The following LRRC37A2 variants were observed in gnomAD, a reference collection of about 807,000 sequenced individuals.
The protein encoded by LRRC37A2 is leucine rich repeat containing 37 member A2.
A neutral mutation model predicts 68.8 loss-of-function variants in LRRC37A2; 9 were observed. The ratio of observed to expected loss-of-function variants is 0.13; its 90% CI spans 0.08 to 0.23. The LOEUF (loss-of-function observed/expected upper bound fraction) is 0.23. LRRC37A2 is among the 10% of genes least tolerant of loss of function. LRRC37A2 has a pLI of 1.00. For synonymous variants in LRRC37A2, 63 were observed against 367.6 expected (o/e 0.17, Z 9.48); for missense variants, 168 against 950.4 (o/e 0.18, Z 10.82).
chr17:46,758,478 G>T, the LRRC37A2 span, among the ~76,000 whole-genome samples: 1 of 152,224 alleles, frequency 6.6e-6, no homozygotes, highest in Non-Finnish European at 1.5e-5. Context: ...GCTCCAGCTA[G>T]CTGCTGCCTT....
the LRRC37A2 span, chr17:46,833,478 G>A: frequency 1.4e-5 from 7 of 483,106 alleles, no homozygotes; most frequent in South Asian, 6.0e-5. Context: ...AACCCACCCC[G>A]ACTCCCCATC....
At chr17:46,759,005 C>T in the LRRC37A2 span, among the ~76,000 whole-genome samples, 117 of 152,184 alleles carry the variant, frequency 7.7e-4, no homozygotes, top group East Asian at 1.9e-4. Context: ...AGGAGTTCGA[C>T]GCCAGCCTGA....
the LRRC37A2 span, among the ~76,000 whole-genome samples, chr17:46,841,392 T>A: frequency 6.6e-6 from 1 of 152,114 alleles, no homozygotes. Context: ...AGAAGGAAAG[T>A]CATGCATCGA....
chr17:46,722,377 G>T, the LRRC37A2 span, among the ~76,000 whole-genome samples: 5 of 152,216 alleles, frequency 3.3e-5, no homozygotes, highest in Non-Finnish European at 5.9e-5. Context: ...GACCTGCTGT[G>T]TGCTATAACT....
the LRRC37A2 span, among the ~76,000 whole-genome samples, chr17:46,501,205 A>G: frequency 1.1e-4 from 17 of 151,134 alleles, no homozygotes; most frequent in Non-Finnish European, 2.1e-4. Flanking sequence ...TTTGAGACGG[A>G]GTCTCTGTTG....
At chr17:46,943,577 C>T in the LRRC37A2 span, among the ~76,000 whole-genome samples, 2 of 152,240 alleles carry the variant, frequency 1.3e-5, no homozygotes, top group African/African-American at 2.4e-5. Flanking sequence ...GGGAGTTGCT[C>T]CTCACCGCAG....
the LRRC37A2 span, among the ~76,000 whole-genome samples, chr17:46,837,261 A>G: frequency 7.2e-5 from 11 of 152,226 alleles, no homozygotes; most frequent in African/African-American, 2.2e-4. Context: ...AGTATTTCAC[A>G]TGATATTTGT....
chr17:46,981,160 C>A, the LRRC37A2 span, among the ~76,000 whole-genome samples: 3 of 152,150 alleles, frequency 2.0e-5, no homozygotes, highest in South Asian at 6.2e-4. Flanking sequence ...AAGTGGGAGA[C>A]AAGGGGATGG....
At chr17:46,876,989 T>G in the LRRC37A2 span, 2 of 1,274,778 alleles carry the variant, frequency 1.6e-6, no homozygotes, top group Non-Finnish European at 2.0e-6. Context: ...GAGAAAGACA[T>G]GGAGGGAAAT....
chr17:46,883,470 A>T, the LRRC37A2 span, among the ~76,000 whole-genome samples: 4 of 151,688 alleles, frequency 2.6e-5, no homozygotes, highest in Non-Finnish European at 5.9e-5. Context: ...TTTTTAGTAG[A>T]GACGGGGTTT....
chr17:46,908,190 C>T, the LRRC37A2 span, among the ~76,000 whole-genome samples: 1 of 151,000 alleles, frequency 6.6e-6, no homozygotes, highest in Admixed American at 6.6e-5. Flanking sequence ...TCCTCCCCCA[C>T]CGCCCCCCTC....
chr17:46,923,192 C>G, the LRRC37A2 span: 4 of 1,545,094 alleles, frequency 2.6e-6, no homozygotes, highest in Non-Finnish European at 3.5e-6. Flanking sequence ...GGGCCGGCGA[C>G]ATGGATCCCC....
At chr17:46,979,962 A>G in the LRRC37A2 span, among the ~76,000 whole-genome samples, 3 of 152,102 alleles carry the variant, frequency 2.0e-5, no homozygotes, top group African/African-American at 7.2e-5. Flanking sequence ...TAGATAACAG[A>G]TATGGGGATG....
the LRRC37A2 span, chr17:46,978,393 C>CA: frequency 1.6e-3 from 702 of 436,290 alleles, no homozygotes; most frequent in East Asian, 2.2e-3. Context: ...AACAAACAAA[C>CA]AAAAAAAACT....
At chr17:47,015,809 A>C in the LRRC37A2 span, among the ~76,000 whole-genome samples, 1 of 152,132 alleles carries the variant, frequency 6.6e-6, no homozygotes, top group Non-Finnish European at 1.5e-5. Context: ...AAACCCACCA[A>C]GGAGACTTCA....
At chr17:46,900,374 C>A in the LRRC37A2 span, among the ~76,000 whole-genome samples, 1 of 151,810 alleles carries the variant, frequency 6.6e-6, no homozygotes, top group African/African-American at 2.4e-5. Flanking sequence ...TCTCAGCCTC[C>A]CTAGTAGCTG....
At chr17:46,837,863 C>T in the LRRC37A2 span, among the ~76,000 whole-genome samples, 1 of 152,262 alleles carries the variant, frequency 6.6e-6, no homozygotes, top group East Asian at 1.9e-4. Flanking sequence ...GTGCACATCA[C>T]GGCCATATTT....
At chr17:47,038,788 G>A in the LRRC37A2 span, among the ~76,000 whole-genome samples, 1 of 104,616 alleles carries the variant, frequency 9.6e-6, no homozygotes, top group African/African-American at 3.1e-5. Context: ...CTGCCTCCCA[G>A]GTTCAAGCGA....
chr17:46,778,823 C>T, the LRRC37A2 span, among the ~76,000 whole-genome samples: 304 of 152,184 alleles, frequency 2.0e-3, 1 homozygote, highest in Non-Finnish European at 3.5e-3. Context: ...CATTCTACAC[C>T]ATCCTTTGAA....
Sources: gnomAD v4.1 joint callset for allele counts (sites outside exome capture counted in the v4.1 genomes callset) on GRCh38, gnomAD v4.1.1 for gene constraint, MANE v1.5 for transcripts, NCBI Gene and HGNC (gene_info 2026-07-23, HGNC 2026-07-21) for gene names.